Variants in INVS observed in about 807,000 individuals in gnomAD.
The protein encoded by INVS is inversin, also known as inversion of embryo turning homolog.
INVS carries 86 observed loss-of-function variants against 108.8 expected under a neutral mutation model. The ratio of observed to expected loss-of-function variants is 0.79; its 90% CI spans 0.66 to 0.95. The LOEUF (loss-of-function observed/expected upper bound fraction) is 0.95. Ranked by LOEUF, INVS falls within the 40% of genes least tolerant of loss-of-function variation. The pLI is 0.00. For synonymous variants in INVS, 455 were observed against 473.5 expected, an observed-to-expected ratio of 0.96 and a Z score of 0.51; for missense variants, 1,169 against 1,297.4, an observed-to-expected ratio of 0.90 and a Z score of 1.52.
chr9:100,253,645 A>G (rs1212195801), intron 10 of INVS, among the ~76,000 whole-genome samples: 1 of 152,030 alleles, frequency 6.6e-6, no homozygotes, highest in East Asian at 1.9e-4. Context: ...ATTCTCACCT[A>G]TGAGTGAGAA....
intron 3 of INVS, among the ~76,000 whole-genome samples, chr9:100,137,229 T>A (rs1828257078): frequency 6.6e-6 from 1 of 152,154 alleles, no homozygotes; most frequent in African/African-American, 2.4e-5. Flanking sequence ...TAGGTTTTCT[T>A]TTGATTAGAG....
At chr9:100,222,819 CTTTTTTTTT>C (rs201620953) in intron 3 of INVS, among the ~76,000 whole-genome samples, 1 of 137,414 alleles carries the variant, frequency 7.3e-6, no homozygotes, top group Non-Finnish European at 1.6e-5. Context: ...CCTGGGCAAA[CTTTTTTTTT>C]TTTTTTTTCC....
chr9:100,177,649 C>G (rs1372827588), intron 3 of INVS, among the ~76,000 whole-genome samples: 1 of 152,216 alleles, frequency 6.6e-6, no homozygotes, highest in South Asian at 2.1e-4. Flanking sequence ...GATAAAACTC[C>G]CATCTGCCTG....
chr9:100,183,622 G>A (rs150369720), intron 3 of INVS, among the ~76,000 whole-genome samples: 6 of 151,950 alleles, frequency 3.9e-5, no homozygotes, highest in Non-Finnish European at 8.8e-5. Flanking sequence ...GTGAAACCTC[G>A]TCTCTACTAA....
chr9:100,291,166 C>T (rs963473647), intron 13 of INVS, among the ~76,000 whole-genome samples: 6 of 151,962 alleles, frequency 3.9e-5, no homozygotes, highest in East Asian at 1.9e-4. Context: ...CGAGTTCAAG[C>T]GATTCTCCTG....
chr9:100,106,365 T>G (rs1199822969), intron 2 of INVS, among the ~76,000 whole-genome samples: 1 of 152,202 alleles, frequency 6.6e-6, no homozygotes, highest in Non-Finnish European at 1.5e-5. Flanking sequence ...ACCTTTCTTC[T>G]ATGCTAAATT....
Position 100,292,579 on chromosome 9 carries a change from G to T in INVS, c.2322G>T (p.Trp774Cys). The change falls in exon 14 of 17, where the codon TGG becomes TGT. Residue 774 changes from tryptophan (W) to cysteine (C), a missense_variant. By Grantham distance (215) the Trp-to-Cys change is radical. Coordinates refer to ENST00000262457, the MANE Select transcript of INVS (RefSeq NM_014425.5). ...GCCTTCCACCGCACGATAGCCACTG[G>T]AAGCCCAGCAGGCGGCATGACACAG... ...AASLPPHDSH[W>C]KPSRRHDTEP... The T allele has an allele frequency of 1.2e-6, 2 of 1,614,186 alleles. No homozygotes were observed. Among genetic ancestry groups the T allele is most frequent in the South Asian group, 2.2e-5 (2 of 91,082 alleles).
At position 100,302,005 on chromosome 9, in the gene INVS, G is replaced by A. The variant is rs979871672; in HGVS notation, c.*1331G>A. 44 of 459,592 alleles carry A rather than the reference G, an allele frequency of 9.6e-5. No individual in the cohort carries two copies. The highest frequency in any genetic ancestry group is 6.3e-4 in the East Asian group (20 of 31,626). 28.5% of individuals were successfully genotyped at this position (459,592 alleles called of 1,614,324 possible). A position where few individuals can be genotyped will look rare whatever the true frequency, so the allele number is the denominator to read the frequency against. On this transcript the variant is annotated 3_prime_UTR_variant, in exon 17 of 17. Transcript: ENST00000262457. ...ATGACCATGTATCGTGTGCTAGTCC[G>A]GGAAGCCAGCCTACACATCAATAGG...
chr9:100,289,442 T>C (rs1338215298), intron 13 of INVS, among the ~76,000 whole-genome samples: 2 of 152,242 alleles, frequency 1.3e-5, no homozygotes, highest in African/African-American at 4.8e-5. Flanking sequence ...TTATCTCTTG[T>C]GGCATAATAA....
intron 3 of INVS, among the ~76,000 whole-genome samples, chr9:100,189,106 C>CTT (rs60762136): frequency 0.013 from 910 of 69,494 alleles, 12 homozygotes; most frequent in African/African-American, 0.016. Context: ...TTTGCATCTT[C>CTT]TTTTTTTTTT....
chr9:100,170,044 G>C (rs974907477), intron 3 of INVS, among the ~76,000 whole-genome samples: 4 of 152,192 alleles, frequency 2.6e-5, no homozygotes, highest in Admixed American at 2.6e-4. Flanking sequence ...GTAATCCACA[G>C]TGAAGGTCAG....
At chr9:100,125,031 C>T (rs973104864) in intron 2 of INVS, among the ~76,000 whole-genome samples, 2 of 152,200 alleles carry the variant, frequency 1.3e-5, no homozygotes, top group Admixed American at 1.3e-4. Context: ...AATGATCTAA[C>T]TATAGTTCAA....
intron 3 of INVS, chr9:100,175,311 T>C: frequency 2.8e-6 from 2 of 714,588 alleles, no homozygotes; most frequent in South Asian, 2.8e-5. Context: ...TCTGCTGAGA[T>C]GCCTCACACA....
intron 3 of INVS, among the ~76,000 whole-genome samples, chr9:100,218,950 G>A (rs1440857021): frequency 1.3e-5 from 2 of 151,832 alleles, no homozygotes; most frequent in Non-Finnish European, 2.9e-5. Flanking sequence ...GGGTCAACAA[G>A]GAGAAAAAAG....
chr9:100,253,127 A>T lies in INVS; in HGVS notation c.1455A>T (p.Gln485His). 1 of 1,611,512 alleles carries T rather than the reference A, an allele frequency of 6.2e-7. No individual in the cohort carries two copies. The highest frequency in any genetic ancestry group is 1.1e-5 in the South Asian group (1 of 91,026). The change falls in exon 10 of 17, where the codon CAA (glutamine) becomes CAT (histidine). Residue 485 changes from glutamine (Q) to histidine (H), a missense_variant. By Grantham distance (24) the Gln-to-His change is conservative (BLOSUM62 0). Around this residue, in one of 3 missense-constraint regions of INVS, gnomAD observed 271 missense variants for 363.8 expected, o/e 0.74. Transcript: ENST00000262457. ...LMENNADPNI[Q>H]DKEGRTALHW... ...AAAACAATGCAGACCCTAACATTCA[A>T]GACAAAGAGGTAGAAATTCTGTCTT... is the stretch of plus-strand genomic sequence containing the variant.
intron 3 of INVS, among the ~76,000 whole-genome samples, chr9:100,174,730 T>G (rs1204975946): frequency 2.0e-5 from 3 of 151,946 alleles, no homozygotes; most frequent in Non-Finnish European, 4.4e-5. Context: ...CTGGCTAACA[T>G]GGTGAAACCC....
chr9:100,127,588 G>A (rs1450816911), intron 3 of INVS, among the ~76,000 whole-genome samples: 2 of 151,996 alleles, frequency 1.3e-5, no homozygotes, highest in African/African-American at 2.4e-5. Context: ...GGAACTATTA[G>A]AGTTATTTTC....
At chr9:100,114,490 C>G (rs968976998) in intron 2 of INVS, among the ~76,000 whole-genome samples, 4 of 148,410 alleles carry the variant, frequency 2.7e-5, no homozygotes, top group East Asian at 4.0e-4. Flanking sequence ...CAGCCTCAAC[C>G]TCCTAGGCTC....
chr9:100,176,447 T>A (rs1829713082), intron 3 of INVS, among the ~76,000 whole-genome samples: 1 of 152,170 alleles, frequency 6.6e-6, no homozygotes. Flanking sequence ...AGTCCCATTT[T>A]CTGGGATTGG....
Sources: gnomAD v4.1 joint callset for allele counts (sites outside exome capture counted in the v4.1 genomes callset) on GRCh38, gnomAD v4.1.1 for gene constraint, gnomAD v4.1.1 regional missense constraint, MANE v1.5 for transcripts, NCBI Gene and HGNC (gene_info 2026-07-23, HGNC 2026-07-21) for gene names.